The following C1orf54 variants were observed in gnomAD, a reference collection of about 807,000 sequenced individuals.
C1orf54 encodes the protein chromosome 1 open reading frame 54.
Under a neutral mutation model 14.7 loss-of-function variants are expected in C1orf54, and 12 were observed. The ratio of observed to expected loss-of-function variants is 0.82; its 90% CI spans 0.52 to 1.32. The LOEUF (loss-of-function observed/expected upper bound fraction) is 1.32. Among genes scored for constraint, C1orf54 ranks in the 40% most tolerant of loss-of-function variants. The probability of loss-of-function intolerance (pLI) is 0.00; values close to 1 mark genes in which losing one functional copy is unlikely to be tolerated. For synonymous variants in C1orf54, 65 were observed against 56.3 expected, an observed-to-expected ratio of 1.16 and a Z score of -0.70; for missense variants, 163 against 162.2, an observed-to-expected ratio of 1.00 and a Z score of -0.03.
upstream of C1orf54, chr1:150,268,932 A>AC (rs1553850635): frequency 6.7e-6 from 5 of 745,930 alleles, no homozygotes; most frequent in Admixed American, 8.6e-5. Flanking sequence ...GTGCAATGTC[A>AC]CCCCCAGACC....
upstream of C1orf54, chr1:150,272,720 C>A: frequency 1.6e-6 from 2 of 1,272,846 alleles, no homozygotes; most frequent in Admixed American, 3.5e-5. Flanking sequence ...TGCTGCAGCT[C>A]CTTCCCTGCT....
chr1:150,280,574 G>A (rs1653008035), intron 5 of C1orf54, among the ~76,000 whole-genome samples: 1 of 152,190 alleles, frequency 6.6e-6, no homozygotes, highest in African/African-American at 2.4e-5. Context: ...GCAGGGCGGT[G>A]GGAGAGAAGG....
At chr1:150,269,839 C>T (rs782138174), upstream of C1orf54, among the ~76,000 whole-genome samples, 3 of 151,930 alleles carry the variant, frequency 2.0e-5, no homozygotes, top group Non-Finnish European at 4.4e-5. Context: ...GAGTTTGAGA[C>T]CAGCCTGGCC....
intron 1 of C1orf54, 134 bp downstream of exon 1, chr1:150,272,997 C>A: frequency 9.9e-7 from 1 of 1,009,212 alleles, no homozygotes; most frequent in Non-Finnish European, 1.5e-6. Flanking sequence ...TGCTGGGGTC[C>A]GGTGTTGAGG....
In C1orf54 at chr1:150,274,190, T is replaced by G; in HGVS notation, c.130+20T>G. 171 of 1,557,296 alleles carry G rather than the reference T, an allele frequency of 1.1e-4. No homozygotes were observed. The highest frequency in any genetic ancestry group is 1.7e-4 in the Middle Eastern group (1 of 5,940). On this transcript the variant is annotated intron_variant, in intron 2 of 5. Transcript: ENST00000369099. ...GTTATGGTGAGTACATGAAAGGCTC[T>G]TGCCCTTAGCCAACTGGAGAGAGGC... is the stretch of plus-strand genomic sequence containing the variant.
chr1:150,272,128 A>C (rs145620336), upstream of C1orf54, among the ~76,000 whole-genome samples: 91 of 151,878 alleles, frequency 6.0e-4, no homozygotes, highest in African/African-American at 2.0e-3. Context: ...TGACAAAGCA[A>C]GATTCTGTCT....
At chr1:150,268,779 A>G (rs782078785), upstream of C1orf54, 17 of 1,613,848 alleles carry the variant, frequency 1.1e-5, no homozygotes, top group East Asian at 6.7e-5. Context: ...GAACGCGACG[A>G]AAGTGCAGCC....
intron 4 of C1orf54, among the ~76,000 whole-genome samples, chr1:150,277,989 T>A (rs1047808467): frequency 3.3e-5 from 5 of 152,040 alleles, no homozygotes; most frequent in Admixed American, 1.3e-4. Flanking sequence ...CCCAGCTACC[T>A]GGGAGGCTGA....
upstream of C1orf54, among the ~76,000 whole-genome samples, chr1:150,270,271 C>A (rs1652101957): frequency 6.6e-6 from 1 of 152,032 alleles, no homozygotes; most frequent in South Asian, 2.1e-4. Context: ...TTATTTAATC[C>A]ATATGTGCAC....
chr1:150,277,603 A>T (rs1652776378), intron 4 of C1orf54, among the ~76,000 whole-genome samples: 1 of 149,238 alleles, frequency 6.7e-6, no homozygotes, highest in Admixed American at 6.7e-5. Flanking sequence ...ATTGAAGGAG[A>T]GGGTATATGG....
At chr1:150,272,902 T>G (rs782485052) in intron 1 of C1orf54, 39 bp downstream of exon 1, 46 of 1,610,918 alleles carry the variant, frequency 2.9e-5, no homozygotes, top group Admixed American at 1.0e-4. Flanking sequence ...GTGCCAGGTC[T>G]TCTACCATAA....
At chr1:150,279,081 G>A (rs1373754774) in intron 4 of C1orf54, among the ~76,000 whole-genome samples, 1 of 152,178 alleles carries the variant, frequency 6.6e-6, no homozygotes, top group Non-Finnish European at 1.5e-5. Flanking sequence ...GACCAGCCTG[G>A]CCAACATGGC....
intron 2 of C1orf54, among the ~76,000 whole-genome samples, chr1:150,274,457 G>C (rs995819347): frequency 6.6e-6 from 1 of 151,818 alleles, no homozygotes; most frequent in African/African-American, 2.4e-5. Context: ...AAAATTAGCC[G>C]GGTGTGGTGG....
chr1:150,276,648 A>C lies in C1orf54; in HGVS notation c.300+16A>C. ...AACGGAACCTGTGAGTTGATTGGGG[A>C]TTGGGGGCTGGGGGGAGACAGGACA... On this transcript the variant is annotated intron_variant, in intron 4 of 5. Coordinates refer to ENST00000369099, the MANE Select transcript of C1orf54 (RefSeq NM_024579.4). 1 of 1,595,412 alleles carries C rather than the reference A, an allele frequency of 6.3e-7. No homozygotes were observed. The highest frequency in any genetic ancestry group is 8.6e-7 in the Non-Finnish European group (1 of 1,163,236).
Position 150,276,582 on chromosome 1 carries a change from C to G in C1orf54, c.250C>G (p.Arg84Gly). 1 of 1,614,076 alleles carries G rather than the reference C, an allele frequency of 6.2e-7. No individual in the cohort carries two copies. Among genetic ancestry groups the G allele is most frequent in the Non-Finnish European group, 8.5e-7 (1 of 1,180,024 alleles). Residue 84 changes from arginine (R) to glycine (G), a missense_variant, in exon 4 of 6, where the codon CGT (arginine) becomes GGT (glycine). Arg to Gly is a moderately radical substitution (Grantham distance 125). Transcript: ENST00000369099. ...GACTACCATTAGTCTTGAAACAGCACGTGCAGACCATCCGAAGCCTGTAAC... is the reference window on the plus strand; with the variant it reads ...GACTACCATTAGTCTTGAAACAGCAGGTGCAGACCATCCGAAGCCTGTAAC... ...IETTISLETA[R>G]ADHPKPVTVK...
intron 5 of C1orf54, among the ~76,000 whole-genome samples, 151 bp downstream of exon 5, chr1:150,279,892 C>T (rs782272686): frequency 1.3e-5 from 2 of 152,070 alleles, no homozygotes; most frequent in African/African-American, 4.8e-5. Context: ...TTAGGCTCAT[C>T]CCTATAATCC....
chr1:150,280,248 AAG>A (rs1352869760), intron 5 of C1orf54, among the ~76,000 whole-genome samples: 3 of 152,188 alleles, frequency 2.0e-5, no homozygotes, highest in Non-Finnish European at 4.4e-5. Context: ...AAAATGAAAG[AAG>A]AGGGATCACA....
At chr1:150,271,467 C>G (rs918314744), upstream of C1orf54, among the ~76,000 whole-genome samples, 2 of 152,316 alleles carry the variant, frequency 1.3e-5, no homozygotes, top group East Asian at 3.9e-4. Flanking sequence ...GGCTGTAAAC[C>G]TATCTTGTTC....
Position 150,272,834 on chromosome 1 carries a change from T to C in C1orf54, c.17T>C (p.Val6Ala). ...GAATCCAGAATGGATGTCCTCTTTGTAGCCATCTTTGCTGTGCCACTTATC... is the reference window on the plus strand; with the variant it reads ...GAATCCAGAATGGATGTCCTCTTTGCAGCCATCTTTGCTGTGCCACTTATC... MDVLF[V>A]AIFAVPLILG... Residue 6 changes from valine to alanine, a missense_variant, in exon 1 of 6, where the codon GTA (valine) becomes GCA (alanine). By Grantham distance (64) the Val-to-Ala change is moderately conservative. Coordinates refer to ENST00000369099, the MANE Select transcript of C1orf54 (RefSeq NM_024579.4). 6.2e-7 allele frequency: 1 copy of C among 1,614,204 alleles called. No homozygotes were observed. Among genetic ancestry groups the C allele is most frequent in the African/African-American group, 1.3e-5 (1 of 75,056 alleles).
Sources: gnomAD v4.1 joint callset for allele counts (sites outside exome capture counted in the v4.1 genomes callset) on GRCh38, gnomAD v4.1.1 for gene constraint, MANE v1.5 for transcripts, NCBI Gene and HGNC (gene_info 2026-07-23, HGNC 2026-07-21) for gene names.